EXOC4: variants seen among roughly 807,000 people sequenced by gnomAD.
The protein encoded by EXOC4 is SEC8-like 1.
EXOC4 carries 71 observed loss-of-function variants against 107.2 expected under a neutral mutation model. The observed-to-expected ratio is 0.66, with a 90% CI of 0.55 to 0.81. The LOEUF (loss-of-function observed/expected upper bound fraction) is 0.81. EXOC4 is among the 30% of genes least tolerant of loss of function. The pLI, the probability that EXOC4 is intolerant of heterozygous loss-of-function variation, is 0.00. For missense variants in EXOC4, 1,108 were observed against 1,189.6 expected (o/e 0.93, Z 1.01); for synonymous variants, 456 against 441.2 (o/e 1.03, Z -0.42).
chr7:134,029,195 C>A (rs979053275), intron 17 of EXOC4, among the ~76,000 whole-genome samples: 3 of 152,222 alleles, frequency 2.0e-5, no homozygotes, highest in Non-Finnish European at 4.4e-5. Flanking sequence ...GCCTCCTCCT[C>A]ACTGTGGGAG....
At chr7:133,846,550 G>C (rs1798130953) in intron 11 of EXOC4, among the ~76,000 whole-genome samples, 1 of 152,164 alleles carries the variant, frequency 6.6e-6, no homozygotes, top group Non-Finnish European at 1.5e-5. Flanking sequence ...TTATATGCTG[G>C]GCTGAAAGAT....
At chr7:133,972,129 C>T (rs1243175543) in intron 14 of EXOC4, among the ~76,000 whole-genome samples, 2 of 152,220 alleles carry the variant, frequency 1.3e-5, no homozygotes, top group African/African-American at 4.8e-5. Flanking sequence ...CATCTTTACT[C>T]CTGTTTTACA....
rs549066772 is a variant in EXOC4, at chr7:133,945,535, T to G, written c.2206+7466T>G. On this transcript the variant is annotated intron_variant, in intron 14 of 17. Transcript: ENST00000253861. ...AGCTAAACTGTCACCCAAATCTGATTAACAACAAAAATGTTCCTCTTACAC... is the reference window on the plus strand; with the variant it reads ...AGCTAAACTGTCACCCAAATCTGATGAACAACAAAAATGTTCCTCTTACAC... Among the ~76,000 whole-genome samples the G allele has an allele frequency of 5.9e-5, 9 of 152,256 alleles. 1 individual carries two copies. The South Asian group carries it at 1.5e-3, about 25-fold the overall frequency.
intron 10 of EXOC4, among the ~76,000 whole-genome samples, chr7:133,698,588 AT>A (rs1794590282): frequency 6.7e-6 from 1 of 148,194 alleles, no homozygotes; most frequent in Admixed American, 6.7e-5. Context: ...AAAAAAAAAA[AT>A]ATAGAAGATG....
chr7:133,456,358 A>T (rs189845100), intron 7 of EXOC4, among the ~76,000 whole-genome samples: 2 of 152,318 alleles, frequency 1.3e-5, no homozygotes, highest in South Asian at 2.1e-4. Flanking sequence ...GGCAATAATT[A>T]TATCTCCACT....
At chr7:133,933,545 A>C (rs1412018816) in intron 13 of EXOC4, among the ~76,000 whole-genome samples, 1 of 152,228 alleles carries the variant, frequency 6.6e-6, no homozygotes, top group Non-Finnish European at 1.5e-5. Flanking sequence ...TCACTCAAAA[A>C]TACATAGTGT....
At chr7:133,708,571 A>G (rs1178021298) in intron 10 of EXOC4, among the ~76,000 whole-genome samples, 1 of 152,178 alleles carries the variant, frequency 6.6e-6, no homozygotes, top group African/African-American at 2.4e-5. Flanking sequence ...ATGAGAGAGA[A>G]GTGTCCATTT....
intron 10 of EXOC4, among the ~76,000 whole-genome samples, chr7:133,738,868 A>C (rs941667675): frequency 6.6e-6 from 1 of 152,192 alleles, no homozygotes; most frequent in Non-Finnish European, 1.5e-5. Context: ...TCAGCACCTG[A>C]AATGAATATG....
intron 7 of EXOC4, among the ~76,000 whole-genome samples, chr7:133,403,787 C>T (rs1482993482): frequency 6.6e-6 from 1 of 151,978 alleles, no homozygotes; most frequent in Non-Finnish European, 1.5e-5. Flanking sequence ...TAAAATTAGC[C>T]AGGTATGATG....
intron 17 of EXOC4, among the ~76,000 whole-genome samples, chr7:134,059,832 T>C (rs1796015449): frequency 6.6e-6 from 1 of 152,178 alleles, no homozygotes; most frequent in Non-Finnish European, 1.5e-5. Context: ...GAAATCTTTC[T>C]GTATGGCCCA....
In EXOC4 at chr7:133,848,648, C is replaced by G. The variant is rs1798182775; in HGVS notation, c.1734+31104C>G. ...GACTTTCCCCCTCTACCTGAAATAT[C>G]TTTCATACTTTCCTTCAGCTGTCAG... On this transcript the variant is annotated intron_variant, in intron 11 of 17. Transcript: ENST00000253861. Among the ~76,000 whole-genome samples the G allele has an allele frequency of 6.6e-5, 10 of 152,324 alleles. No individual in the cohort carries two copies. The South Asian group carries it at 2.1e-3, about 32-fold the overall frequency.
chr7:133,794,652 T>C (rs1335033027), intron 10 of EXOC4, among the ~76,000 whole-genome samples: 1 of 152,164 alleles, frequency 6.6e-6, no homozygotes, highest in Admixed American at 6.5e-5. Flanking sequence ...ATTACGTTAG[T>C]TCCCTTGGAA....
At chr7:133,552,594 TC>T (rs1338174350) in intron 9 of EXOC4, among the ~76,000 whole-genome samples, 1 of 152,126 alleles carries the variant, frequency 6.6e-6, no homozygotes, top group Admixed American at 6.6e-5. Context: ...TTGGACTGTT[TC>T]TGCAGACTCT....
At chr7:133,672,307 C>T (rs987386338) in intron 10 of EXOC4, among the ~76,000 whole-genome samples, 9 of 150,538 alleles carry the variant, frequency 6.0e-5, no homozygotes, top group Non-Finnish European at 1.2e-4. Context: ...AGGAGAATGG[C>T]GTGAACCCGG....
intron 7 of EXOC4, among the ~76,000 whole-genome samples, chr7:133,425,575 C>T (rs1346701585): frequency 1.3e-5 from 2 of 152,184 alleles, no homozygotes; most frequent in Non-Finnish European, 2.9e-5. Context: ...GCGTGAGCCA[C>T]CACGTCTGGC....
intron 10 of EXOC4, among the ~76,000 whole-genome samples, chr7:133,755,991 A>C (rs1795908807): frequency 2.0e-5 from 3 of 152,186 alleles, no homozygotes; most frequent in Admixed American, 2.0e-4. Flanking sequence ...CTAATGAAAT[A>C]TTTGAATGAA....
Position 134,064,546 on chromosome 7 carries a change from G to T in EXOC4, c.*18G>T. On this transcript the variant is annotated 3_prime_UTR_variant, in exon 18 of 18. Coordinates refer to ENST00000253861, the MANE Select transcript of EXOC4 (RefSeq NM_021807.4). Reference sequence around the variant, plus strand: ...CCGTTTAGCAGGGCGTACTGCGGTTGGTGACGGGGGTCCCCTCAGTCACAC... The same window carrying T: ...CCGTTTAGCAGGGCGTACTGCGGTTTGTGACGGGGGTCCCCTCAGTCACAC... The T allele has an allele frequency of 2.0e-6, 3 of 1,514,932 alleles. No homozygotes were observed. Among genetic ancestry groups the T allele is most frequent in the Non-Finnish European group, 2.7e-6 (3 of 1,117,354 alleles). 93.8% of individuals were successfully genotyped at this position (1,514,932 alleles called of 1,614,324 possible).
intron 17 of EXOC4, among the ~76,000 whole-genome samples, chr7:134,058,161 T>C (rs1795973842): frequency 6.6e-6 from 1 of 152,202 alleles, no homozygotes; most frequent in South Asian, 2.1e-4. Flanking sequence ...TGGGTTTTTA[T>C]TAAAGTGCTC....
At chr7:133,581,854 C>T (rs1000629219) in intron 9 of EXOC4, among the ~76,000 whole-genome samples, 17 of 151,846 alleles carry the variant, frequency 1.1e-4, no homozygotes, top group African/African-American at 3.6e-4. Flanking sequence ...CTGGAGAGGC[C>T]TCAGGAAACT....
Sources: gnomAD v4.1 joint callset for allele counts (sites outside exome capture counted in the v4.1 genomes callset) on GRCh38, gnomAD v4.1.1 for gene constraint, MANE v1.5 for transcripts, NCBI Gene and HGNC (gene_info 2026-07-23, HGNC 2026-07-21) for gene names.